The following DNTT variants were observed in gnomAD, a reference collection of about 807,000 sequenced individuals.
The protein encoded by DNTT is nucleosidetriphosphate:DNA deoxynucleotidylexotransferase.
A neutral mutation model predicts 60.9 loss-of-function variants in DNTT; 47 were observed. The observed-to-expected ratio is 0.77, with a 90% confidence interval of 0.61 to 0.98. The LOEUF is 0.98. Ranked by LOEUF, DNTT falls within the 50% of genes least tolerant of loss-of-function variation. DNTT has a pLI of 0.00. For missense variants in DNTT, 665 were observed against 627.5 expected, an observed-to-expected ratio of 1.06 and a Z score of -0.64; for synonymous variants, 224 against 221.2, an observed-to-expected ratio of 1.01 and a Z score of -0.11.
intron 10 of DNTT, among the ~76,000 whole-genome samples, chr10:96,336,759 TG>T (rs1388466536): frequency 6.6e-6 from 1 of 151,954 alleles, no homozygotes; most frequent in Non-Finnish European, 1.5e-5. Context: ...TCAGCCAACA[TG>T]GTGAAACCCC....
At chr10:96,333,153 C>T (rs1396612289) in intron 9 of DNTT, among the ~76,000 whole-genome samples, 3 of 152,112 alleles carry the variant, frequency 2.0e-5, no homozygotes, top group Non-Finnish European at 2.9e-5. Flanking sequence ...TAAAAATGGG[C>T]AAAGGACTTG....
chr10:96,337,472 G>T (rs1845086994), intron 10 of DNTT, among the ~76,000 whole-genome samples: 1 of 152,222 alleles, frequency 6.6e-6, no homozygotes, highest in African/African-American at 2.4e-5. Context: ...CGGATGCTAA[G>T]CATGTGGGTG....
intron 8 of DNTT, among the ~76,000 whole-genome samples, chr10:96,329,547 C>T (rs994452426): frequency 2.6e-5 from 4 of 152,194 alleles, no homozygotes; most frequent in Admixed American, 2.0e-4. Flanking sequence ...CAGCTTCCTC[C>T]TTCCTGAGTA....
intron 5 of DNTT, among the ~76,000 whole-genome samples, chr10:96,323,363 C>T (rs1844902646): frequency 6.6e-6 from 1 of 152,026 alleles, no homozygotes; most frequent in Non-Finnish European, 1.5e-5. Context: ...CCTCAAAGGC[C>T]CTGTCTTAAA....
chr10:96,313,288 A>G (rs886164526), intron 1 of DNTT, among the ~76,000 whole-genome samples: 3 of 152,082 alleles, frequency 2.0e-5, no homozygotes, highest in Non-Finnish European at 4.4e-5. Context: ...GTCACCTTTT[A>G]TTATAAGAAG....
intron 1 of DNTT, among the ~76,000 whole-genome samples, chr10:96,307,544 T>TG (rs893301010): frequency 6.7e-6 from 1 of 149,722 alleles, no homozygotes; most frequent in Non-Finnish European, 1.5e-5. Context: ...TTAATAGAGT[T>TG]GGGGTTTCAC....
At chr10:96,307,777 A>ATATATATTT (rs768634575) in intron 1 of DNTT, among the ~76,000 whole-genome samples, 2 of 126,020 alleles carry the variant, frequency 1.6e-5, no homozygotes, top group Admixed American at 9.0e-5. Context: ...ATATATATAT[A>ATATATATTT]TTTTTTTTTT....
rs191830638 is a variant in DNTT, at chr10:96,308,212, G to T, written c.203+3512G>T. On this transcript the variant is annotated intron_variant, in intron 1 of 10. Transcript: ENST00000371174. ...GGCCTGAACACACAAATTAGAAATG[G>T]TGTACCTCAAAGTGTTGCACTGTCT... Among the ~76,000 whole-genome samples, 13 of 152,274 alleles carry T rather than the reference G, an allele frequency of 8.5e-5. No homozygotes were observed. In the East Asian group the frequency reaches 1.5e-3, roughly 18 times the overall value.
chr10:96,335,835 A>G, intron 9 of DNTT, 56 bp from the exon 10 acceptor site: 1 of 1,577,064 alleles, frequency 6.3e-7, no homozygotes, highest in Non-Finnish European at 8.7e-7. Context: ...GTAGCCACCT[A>G]ATACTGAAGA....
At chr10:96,328,312 G>A (rs1342757148) in intron 7 of DNTT, among the ~76,000 whole-genome samples, 1 of 152,178 alleles carries the variant, frequency 6.6e-6, no homozygotes, top group East Asian at 1.9e-4. Context: ...AAGGAAGAAA[G>A]TAAGAGAAGA....
At chr10:96,307,723 ATATATATATAAGCATATATATG>A (rs1564868504) in intron 1 of DNTT, among the ~76,000 whole-genome samples, 1 of 141,584 alleles carries the variant, frequency 7.1e-6, no homozygotes, top group East Asian at 2.0e-4. Context: ...ATATATATAT[ATATATATATAAGCATATATATG>A]TGTGTGTGTG....
At chr10:96,333,211 C>T (rs189809154) in intron 9 of DNTT, among the ~76,000 whole-genome samples, 1 of 152,276 alleles carries the variant, frequency 6.6e-6, no homozygotes, top group East Asian at 1.9e-4. Flanking sequence ...GCAGATATTG[C>T]CATCTTGCTT....
rs545216862 is a variant in DNTT at position 96,319,395 on chromosome 10, C to T, written c.507+5C>T. On this transcript the variant is annotated splice_donor_5th_base_variant and intron_variant, in intron 3 of 10. Transcript: ENST00000371174. Reference sequence around the variant, plus strand: ...AACTGTAACCAGATATTCACGGTAACGGGACTTTACATCAACACCCAGGGC... The same window carrying T: ...AACTGTAACCAGATATTCACGGTAATGGGACTTTACATCAACACCCAGGGC... The T allele has an allele frequency of 9.3e-6, 15 of 1,613,316 alleles. No individual in the cohort carries two copies. Among genetic ancestry groups the T allele is most frequent in the Middle Eastern group, 1.7e-4 (1 of 6,054 alleles).
chr10:96,315,265 T>A (rs1844774192), intron 1 of DNTT, among the ~76,000 whole-genome samples: 1 of 151,640 alleles, frequency 6.6e-6, no homozygotes, highest in South Asian at 2.1e-4. Flanking sequence ...ACAATAAAAC[T>A]ATTTTGGTGA....
rs747403482 is a variant in DNTT, at chr10:96,304,469, C to T, written c.-29C>T. On this transcript the variant is annotated 5_prime_UTR_variant, in exon 1 of 11. Transcript: ENST00000371174. ...CCTTCTGGAGACACCACCAGATGGG[C>T]CAGCCAGAGGCAGCAGCAGCCTCTT... 1 of 1,612,140 alleles carries T rather than the reference C, an allele frequency of 6.2e-7. No individual in the cohort carries two copies. Among genetic ancestry groups the T allele is most frequent in the Non-Finnish European group, 8.5e-7 (1 of 1,179,796 alleles).
At chr10:96,324,535 C>T (rs1844918588) in intron 6 of DNTT, 146 bp downstream of exon 6, 1 of 1,285,688 alleles carries the variant, frequency 7.8e-7, no homozygotes, top group African/African-American at 1.5e-5. Flanking sequence ...ATCCTAGCTC[C>T]AGCAGTTTCC....
intron 4 of DNTT, 145 bp downstream of exon 4, chr10:96,320,933 CCTCTGTCT>C (rs1476824148): frequency 5.8e-6 from 4 of 689,936 alleles, no homozygotes; most frequent in Admixed American, 4.7e-5. Context: ...CTCTCTCTCT[CCTCTGTCT>C]CTCTCTCTCT....
rs1844836972 is a variant in DNTT at position 96,319,388 on chromosome 10, A to G, written c.505A>G (p.Thr169Ala). 6.8e-6 allele frequency: 11 copies of G among 1,613,580 alleles called. No individual in the cohort carries two copies. The highest frequency in any genetic ancestry group is 8.5e-6 in the Non-Finnish European group (10 of 1,179,634). ...TTTAAACAACTGTAACCAGATATTCACGGTAACGGGACTTTACATCAACAC... is the reference window on the plus strand; with the variant it reads ...TTTAAACAACTGTAACCAGATATTCGCGGTAACGGGACTTTACATCAACAC... ...TTLNNCNQIF[T>A]DAFDILAENC... The change falls in exon 3 of 11, where the codon ACG (threonine) becomes GCG (alanine). Residue 169 changes from threonine (T) to alanine (A), a missense_variant and splice_region_variant. Transcript: ENST00000371174.
chr10:96,320,853 G>A (rs1844861129), intron 4 of DNTT, 65 bp downstream of exon 4: 4 of 1,576,902 alleles, frequency 2.5e-6, no homozygotes, highest in Non-Finnish European at 3.5e-6. Context: ...AGAGAGGGAT[G>A]TAGCTAACAG....
Sources: gnomAD v4.1 joint callset for allele counts (sites outside exome capture counted in the v4.1 genomes callset) on GRCh38, gnomAD v4.1.1 for gene constraint, MANE v1.5 for transcripts, NCBI Gene and HGNC (gene_info 2026-07-23, HGNC 2026-07-21) for gene names.